The following STK4 variants were observed in gnomAD, a reference collection of about 807,000 sequenced individuals.
STK4 encodes the protein serine/threonine kinase 4.
STK4 carries 30 observed loss-of-function variants against 64.9 expected under a neutral mutation model. The ratio of observed to expected loss-of-function variants is 0.46; its 90% CI spans 0.35 to 0.63. The LOEUF (loss-of-function observed/expected upper bound fraction) is 0.63, where lower values mean the gene tolerates loss of function less well. Ranked by LOEUF, STK4 falls within the 20% of genes least tolerant of loss-of-function variation. The probability of loss-of-function intolerance (pLI) is 0.01; values close to 1 mark genes in which losing one functional copy is unlikely to be tolerated. For missense variants in STK4, 466 were observed against 598.5 expected (o/e 0.78, Z 2.31); for synonymous variants, 177 against 199.0 (o/e 0.89, Z 0.93).
At chr20:45,005,071 T>C (rs2067914488) in intron 9 of STK4, among the ~76,000 whole-genome samples, 1 of 151,878 alleles carries the variant, frequency 6.6e-6, no homozygotes, top group South Asian at 2.1e-4. Context: ...GCGCCCAGCC[T>C]CCTTTCTTTC....
At chr20:45,040,749 A>G (rs1001833171) in intron 10 of STK4, among the ~76,000 whole-genome samples, 8 of 152,110 alleles carry the variant, frequency 5.3e-5, no homozygotes, top group African/African-American at 1.4e-4. Flanking sequence ...AAGCCTTTTC[A>G]ATGTATGAAT....
chr20:44,978,602 A>C, intron 3 of STK4, 31 bp downstream of exon 3: 1 of 1,609,538 alleles, frequency 6.2e-7, no homozygotes, highest in Non-Finnish European at 8.5e-7. Context: ...TTTGGGGAGA[A>C]TGTGGTTTTG....
intron 3 of STK4, among the ~76,000 whole-genome samples, chr20:44,980,607 C>G (rs1164427009): frequency 6.6e-6 from 1 of 152,204 alleles, no homozygotes; most frequent in Non-Finnish European, 1.5e-5. Flanking sequence ...GTACATATGA[C>G]TTCTTAGAAA....
chr20:45,062,578 C>T (rs1469424447), intron 10 of STK4, among the ~76,000 whole-genome samples: 4 of 152,318 alleles, frequency 2.6e-5, no homozygotes, highest in South Asian at 4.1e-4. Context: ...TCCACAACCT[C>T]GCCAGCATCT....
chr20:44,966,818 A>G (rs2067158722), intron 1 of STK4, among the ~76,000 whole-genome samples: 1 of 151,888 alleles, frequency 6.6e-6, no homozygotes, highest in East Asian at 1.9e-4. Context: ...TAGAGGGAGC[A>G]CTCGCTGTGG....
At chr20:45,034,759 G>GA (rs920615454) in intron 10 of STK4, among the ~76,000 whole-genome samples, 28 of 151,636 alleles carry the variant, frequency 1.8e-4, no homozygotes, top group Non-Finnish European at 3.4e-4. Context: ...CAAAAAAAAG[G>GA]AAAAAAAATT....
chr20:45,033,403 T>C (rs938097109), intron 10 of STK4, among the ~76,000 whole-genome samples: 3 of 152,218 alleles, frequency 2.0e-5, no homozygotes, highest in Non-Finnish European at 4.4e-5. Flanking sequence ...TTTATAGTTT[T>C]AGGTTTTACA....
chr20:45,034,337 A>T (rs1363730696), intron 10 of STK4, among the ~76,000 whole-genome samples: 2 of 152,150 alleles, frequency 1.3e-5, no homozygotes, highest in African/African-American at 2.4e-5. Flanking sequence ...GGAAGAGTGT[A>T]CCAATAAACT....
chr20:45,040,356 C>T (rs1207249326), intron 10 of STK4, among the ~76,000 whole-genome samples: 1 of 151,934 alleles, frequency 6.6e-6, no homozygotes, highest in Non-Finnish European at 1.5e-5. Context: ...TGTATTGGTT[C>T]CCTGGCATTC....
At chr20:45,035,036 T>C (rs1027635571) in intron 10 of STK4, among the ~76,000 whole-genome samples, 3 of 152,102 alleles carry the variant, frequency 2.0e-5, no homozygotes, top group African/African-American at 7.2e-5. Flanking sequence ...TATATACACC[T>C]TTGTTGGATG....
chr20:45,039,156 A>G (rs1160328295), intron 10 of STK4, among the ~76,000 whole-genome samples: 4 of 152,032 alleles, frequency 2.6e-5, no homozygotes, highest in Non-Finnish European at 5.9e-5. Flanking sequence ...AATTCATGAA[A>G]TTTTCTTACT....
intron 4 of STK4, among the ~76,000 whole-genome samples, chr20:44,986,452 A>G (rs1230807181): frequency 6.6e-6 from 1 of 152,232 alleles, no homozygotes; most frequent in East Asian, 1.9e-4. Flanking sequence ...GAAAGTGGTA[A>G]AAGATGAAGT....
rs1362470660 is a variant in STK4 at position 45,001,248 on chromosome 20, A to G, written c.1042A>G (p.Thr348Ala). Residue 348 changes from threonine to alanine, a missense_variant, in exon 9 of 11, where the codon ACT becomes GCT. Thr to Ala is a moderately conservative substitution (Grantham distance 58, BLOSUM62 0). Around this residue, in one of 2 missense-constraint regions of STK4, gnomAD observed 276 missense variants for 308.9 expected, o/e 0.89. Coordinates refer to ENST00000372806, the MANE Select transcript of STK4 (RefSeq NM_006282.5). ...MGTVRVASTM[T>A]DGANTMIEHD... ...CACTGTCCGAGTAGCCAGCACCATGACTGATGGAGCCAATACTATGATTGA... is the reference window on the plus strand; with the variant it reads ...CACTGTCCGAGTAGCCAGCACCATGGCTGATGGAGCCAATACTATGATTGA... 1.2e-6 allele frequency: 2 copies of G among 1,614,092 alleles called. No homozygotes were observed. The highest frequency in any genetic ancestry group is 1.3e-5 in the African/African-American group (1 of 74,938).
At chr20:44,991,379 A>T (rs1446422397) in intron 5 of STK4, among the ~76,000 whole-genome samples, 1 of 152,222 alleles carries the variant, frequency 6.6e-6, no homozygotes, top group Non-Finnish European at 1.5e-5. Flanking sequence ...ATTTATTTAC[A>T]TTGGAATCTA....
chr20:45,060,290 A>G (rs557321203), intron 10 of STK4, among the ~76,000 whole-genome samples: 3 of 152,318 alleles, frequency 2.0e-5, no homozygotes, highest in Admixed American at 6.5e-5. Context: ...TAATGAGCTC[A>G]TAAGTCTTTT....
At chr20:45,027,593 A>T (rs553018410) in intron 10 of STK4, among the ~76,000 whole-genome samples, 2 of 152,270 alleles carry the variant, frequency 1.3e-5, no homozygotes, top group Non-Finnish European at 2.9e-5. Context: ...TGGGATATCT[A>T]TTACCTCAGA....
intron 10 of STK4, among the ~76,000 whole-genome samples, chr20:45,044,073 T>C (rs1237132602): frequency 6.6e-6 from 1 of 152,210 alleles, no homozygotes; most frequent in African/African-American, 2.4e-5. Context: ...TAGGTATCAA[T>C]TTTAGAACTT....
chr20:45,046,304 G>A (rs1287063737), intron 10 of STK4, among the ~76,000 whole-genome samples: 1 of 151,548 alleles, frequency 6.6e-6, no homozygotes, highest in Admixed American at 6.6e-5. Flanking sequence ...GTGTGGTGGT[G>A]CGTACCTGTA....
intron 10 of STK4, among the ~76,000 whole-genome samples, chr20:45,055,411 G>C (rs927740873): frequency 1.3e-5 from 2 of 151,898 alleles, no homozygotes; most frequent in Non-Finnish European, 2.9e-5. Flanking sequence ...AAATTTATTG[G>C]CATCAAGTTT....
Sources: allele counts gnomAD v4.1 joint callset (sites outside exome capture counted in the v4.1 genomes callset), GRCh38; gene constraint gnomAD v4.1.1; regional missense constraint gnomAD v4.1.1; transcripts MANE v1.5; gene names NCBI Gene and HGNC (gene_info 2026-07-23, HGNC 2026-07-21).